Variants in DENND4A observed in about 807,000 individuals in gnomAD.
DENND4A encodes the protein DENN domain containing 4A.
Under a neutral mutation model 199.3 loss-of-function variants are expected in DENND4A, and 70 were observed. The ratio of observed to expected loss-of-function variants is 0.35; its 90% CI spans 0.29 to 0.43. The LOEUF (loss-of-function observed/expected upper bound fraction) is 0.43. DENND4A is among the 20% of genes least tolerant of loss of function. DENND4A has a pLI of 1.00. For synonymous variants in DENND4A, 686 were observed against 766.9 expected (o/e 0.89, Z 1.74); for missense variants, 1,723 against 2,255.8 (o/e 0.76, Z 4.78).
chr15:65,699,466 C>A (rs1016035870), intron 20 of DENND4A, among the ~76,000 whole-genome samples: 4 of 151,608 alleles, frequency 2.6e-5, no homozygotes, highest in African/African-American at 9.7e-5. Context: ...CGAACTTATA[C>A]TTCTATGAAA....
At chr15:65,771,827 C>T in intron 1 of DENND4A, 1 of 1,613,198 alleles carries the variant, frequency 6.2e-7, no homozygotes, top group Non-Finnish European at 8.5e-7. Context: ...TTTCGCTTTT[C>T]TGGATTACTT....
chr15:65,785,404 C>A (rs1366615484), intron 1 of DENND4A, among the ~76,000 whole-genome samples: 1 of 147,802 alleles, frequency 6.8e-6, no homozygotes, highest in Admixed American at 6.8e-5. Flanking sequence ...GTAGGAGGAT[C>A]ATTTGAGCCC....
At chr15:65,696,627 T>C in intron 21 of DENND4A, 130 bp from the exon 22 acceptor site, 1 of 580,342 alleles carries the variant, frequency 1.7e-6, no homozygotes, top group South Asian at 2.2e-5. Flanking sequence ...AACACCTCTA[T>C]ATCTGTTTGT....
intron 5 of DENND4A, among the ~76,000 whole-genome samples, chr15:65,739,815 C>CTA (rs2076207879): frequency 6.6e-6 from 1 of 152,118 alleles, no homozygotes; most frequent in Admixed American, 6.5e-5. Flanking sequence ...CCATGAGGAT[C>CTA]TATAGTTAAC....
At chr15:65,662,310 T>A (rs2075870939) in intron 32 of DENND4A, among the ~76,000 whole-genome samples, 1 of 152,130 alleles carries the variant, frequency 6.6e-6, no homozygotes, top group Non-Finnish European at 1.5e-5. Flanking sequence ...TGACAAAAAG[T>A]TTTTTTGCCC....
rs1288793386 is a variant in DENND4A at position 65,659,731 on chromosome 15, ATATTCCC to A, written c.*2113_*2119del. Reference sequence around the variant, plus strand: ...GTTTTAAGACTAAATCTGTGCAATAATATTCCCTAGGGATTAAAAGTAGGGGAAATAC... The same window carrying A: ...GTTTTAAGACTAAATCTGTGCAATAATAGGGATTAAAAGTAGGGGAAATAC... On this transcript the variant is annotated 3_prime_UTR_variant, in exon 33 of 33. Coordinates refer to ENST00000443035, the MANE Select transcript of DENND4A (RefSeq NM_001320835.1). The A allele has an allele frequency of 7.8e-5, 12 of 153,290 alleles. No individual in the cohort carries two copies. The South Asian group carries it at 2.2e-3, about 29-fold the overall frequency. The allele number at this position is 153,290 out of a possible 1,614,324, so 9.5% of individuals were successfully genotyped here.
chr15:65,752,561 G>T lies in DENND4A; in HGVS notation c.379C>A (p.Arg127Ser). Residue 127 changes from arginine (R) to serine (S), a missense_variant, in exon 4 of 33, where the codon CGC (arginine) becomes AGC (serine). Coordinates refer to ENST00000443035, the MANE Select transcript of DENND4A (RefSeq NM_001320835.1). ...CEIIQSTPYGRPANISGSTSS... is the reference protein window; with the variant it reads ...CEIIQSTPYGSPANISGSTSS... ...GTACTCCCACTAATATTTGCGGGGCGCCCATAGGGAGTACTCTGAATAATT... is the reference window on the plus strand; with the variant it reads ...GTACTCCCACTAATATTTGCGGGGCTCCCATAGGGAGTACTCTGAATAATT... The T allele has an allele frequency of 6.2e-7, 1 of 1,610,392 alleles. No homozygotes were observed. Among genetic ancestry groups the T allele is most frequent in the Non-Finnish European group, 8.5e-7 (1 of 1,177,894 alleles).
intron 28 of DENND4A, 25 bp downstream of exon 28, chr15:65,667,900 T>C (rs1460261819): frequency 9.5e-6 from 15 of 1,582,736 alleles, no homozygotes; most frequent in Admixed American, 2.0e-5. Context: ...AATTTCCAAA[T>C]AAAAAAATAC....
chr15:65,706,066 C>A, intron 15 of DENND4A, 25 bp downstream of exon 15: 1 of 1,513,174 alleles, frequency 6.6e-7, no homozygotes, highest in South Asian at 1.4e-5. Context: ...CTCTTTCAAT[C>A]TCAAACATTC....
intron 11 of DENND4A, among the ~76,000 whole-genome samples, chr15:65,728,504 A>G (rs2140368148): frequency 7.3e-6 from 1 of 137,414 alleles, no homozygotes; most frequent in East Asian, 2.1e-4. Context: ...TTTTTTTGAG[A>G]CAGAGTTTCA....
intron 14 of DENND4A, among the ~76,000 whole-genome samples, chr15:65,707,731 G>C (rs1181125028): frequency 6.6e-6 from 1 of 150,496 alleles, no homozygotes; most frequent in Non-Finnish European, 1.5e-5. Flanking sequence ...CTGTCACCTA[G>C]GCTGGAGTGC....
chr15:65,781,182 A>G (rs1242588379), intron 1 of DENND4A, among the ~76,000 whole-genome samples: 1 of 152,222 alleles, frequency 6.6e-6, no homozygotes, highest in Admixed American at 6.5e-5. Context: ...TATTCAGCAA[A>G]TCTTCAAAAA....
At chr15:65,710,346 T>C (rs970424525) in intron 14 of DENND4A, among the ~76,000 whole-genome samples, 6 of 152,204 alleles carry the variant, frequency 3.9e-5, no homozygotes, top group African/African-American at 1.4e-4. Context: ...CAATTCAGTG[T>C]TCTCATGTGG....
chr15:65,703,454 A>C (rs2074941900), intron 15 of DENND4A, among the ~76,000 whole-genome samples: 1 of 152,238 alleles, frequency 6.6e-6, no homozygotes. Flanking sequence ...TCTTAGAAAG[A>C]TGCAAATAAC....
chr15:65,791,761 A>G (rs2077733879), intron 1 of DENND4A, among the ~76,000 whole-genome samples: 1 of 151,870 alleles, frequency 6.6e-6, no homozygotes, highest in Admixed American at 6.5e-5. Flanking sequence ...TCTGGAATGA[A>G]AACACAGGAG....
intron 23 of DENND4A, among the ~76,000 whole-genome samples, chr15:65,687,242 A>C (rs2076816870): frequency 6.6e-6 from 1 of 152,156 alleles, no homozygotes. Context: ...AGTTAGTTTT[A>C]TATCATTTCA....
At chr15:65,744,271 C>T (rs947415437) in intron 4 of DENND4A, among the ~76,000 whole-genome samples, 1 of 152,128 alleles carries the variant, frequency 6.6e-6, no homozygotes, top group African/African-American at 2.4e-5. Flanking sequence ...ATGGAGAAGA[C>T]TGTGGATAAA....
At position 65,729,087 on chromosome 15, in the gene DENND4A, G is replaced by T; in HGVS notation, c.1472C>A (p.Thr491Asn). 6.3e-7 allele frequency: 1 copy of T among 1,586,438 alleles called. No homozygotes were observed. Among genetic ancestry groups the T allele is most frequent in the South Asian group, 1.2e-5 (1 of 86,868 alleles). The change falls in exon 11 of 33, where the codon ACC (threonine) becomes AAC (asparagine). Residue 491 changes from threonine to asparagine, a missense_variant. By Grantham distance (65) the Thr-to-Asn change is moderately conservative (BLOSUM62 0). This residue lies in a region of DENND4A where 725 missense variants were observed against 952.9 expected (regional missense o/e 0.76). Coordinates refer to ENST00000443035, the MANE Select transcript of DENND4A (RefSeq NM_001320835.1). ...ATGTACTTACTGAGAAATAGTGTTG[G>T]TATCTACATCAACACAACTGACATC... Reference protein sequence around the residue: ...PPDVSCVDVDTNTISQIGDKK... With the variant: ...PPDVSCVDVDNNTISQIGDKK...
In DENND4A at chr15:65,700,574, C is replaced by T. The variant is rs567863856; in HGVS notation, c.2803G>A (p.Val935Ile). 5 of 1,542,820 alleles carry T rather than the reference C, an allele frequency of 3.2e-6. No individual in the cohort carries two copies. The African/African-American group carries it at 5.5e-5, about 17-fold the overall frequency. Residue 935 changes from valine to isoleucine, a missense_variant, in exon 20 of 33, where the codon GTA (valine) becomes ATA (isoleucine). Coordinates refer to ENST00000443035, the MANE Select transcript of DENND4A (RefSeq NM_001320835.1). ...CTAGATCTATCATCAGTAGCATATA[C>T]TTTGATTAAACCCGTATTAAAAGGT... ...QAPFNTGLIK[V>I]YATDDRSSTG...
Sources: allele counts gnomAD v4.1 joint callset (sites outside exome capture counted in the v4.1 genomes callset), GRCh38; gene constraint gnomAD v4.1.1; regional missense constraint gnomAD v4.1.1; transcripts MANE v1.5; gene names NCBI Gene and HGNC (gene_info 2026-07-23, HGNC 2026-07-21).